Variants in RBPMS observed in about 807,000 individuals in gnomAD.
RBPMS encodes the protein RNA binding protein, mRNA processing factor, also known as RNA-binding protein with multiple splicing.
RBPMS carries 7 observed loss-of-function variants against 26.8 expected under a neutral mutation model. That is an observed-to-expected ratio of 0.26 (90% CI 0.15 to 0.49). RBPMS has a LOEUF of 0.49. RBPMS is among the 20% of genes least tolerant of loss of function. The probability of loss-of-function intolerance (pLI) is 0.98; values close to 1 mark genes in which losing one functional copy is unlikely to be tolerated. For synonymous variants in RBPMS, 96 were observed against 93.3 expected, an observed-to-expected ratio of 1.03 and a Z score of -0.17; for missense variants, 186 against 250.0, an observed-to-expected ratio of 0.74 and a Z score of 1.73.
intron 1 of RBPMS, among the ~76,000 whole-genome samples, chr8:30,411,139 A>C (rs1474179209): frequency 6.6e-6 from 1 of 152,194 alleles, no homozygotes; most frequent in African/African-American, 2.4e-5. Flanking sequence ...ACAGTTGCTG[A>C]GTTTATTCAT....
chr8:30,551,321 GT>G (rs1349229015), intron 6 of RBPMS, among the ~76,000 whole-genome samples: 1 of 152,218 alleles, frequency 6.6e-6, no homozygotes, highest in African/African-American at 2.4e-5. Context: ...ATGTTGGGCA[GT>G]TTTAGGAGGA....
chr8:30,485,698 C>A (rs190427121), intron 4 of RBPMS, among the ~76,000 whole-genome samples: 4 of 152,138 alleles, frequency 2.6e-5, no homozygotes, highest in Non-Finnish European at 2.9e-5. Context: ...TGAACTCCCC[C>A]CAAAGAAAAT....
intron 1 of RBPMS, among the ~76,000 whole-genome samples, chr8:30,388,398 GCTTATAA>G (rs1248029866): frequency 6.7e-6 from 1 of 149,082 alleles, no homozygotes; most frequent in Non-Finnish European, 1.5e-5. Flanking sequence ...CTGTCTTATA[GCTTATAA>G]CTTATAGCTA....
intron 1 of RBPMS, among the ~76,000 whole-genome samples, chr8:30,424,057 C>CTT (rs894127200): frequency 6.6e-6 from 1 of 152,118 alleles, no homozygotes; most frequent in Non-Finnish European, 1.5e-5. Flanking sequence ...AGGCTGGTCT[C>CTT]TAACTCCTGA....
At chr8:30,443,606 TG>T (rs1304689163) in intron 1 of RBPMS, among the ~76,000 whole-genome samples, 1 of 152,194 alleles carries the variant, frequency 6.6e-6, no homozygotes, top group South Asian at 2.1e-4. Context: ...GTTTTGTTTT[TG>T]TTTTTAAGAC....
At chr8:30,511,484 A>AT (rs1821645539) in intron 5 of RBPMS, among the ~76,000 whole-genome samples, 2 of 6,144 alleles carry the variant, frequency 3.3e-4, no homozygotes, top group African/African-American at 6.8e-4. Flanking sequence ...AAAAAAAAAA[A>AT]AAATATATAT....
intron 1 of RBPMS, among the ~76,000 whole-genome samples, chr8:30,470,436 T>C (rs1017632475): frequency 2.6e-5 from 4 of 152,232 alleles, no homozygotes; most frequent in Non-Finnish European, 5.9e-5. Context: ...AAGCATGAAT[T>C]TGATATTCAG....
chr8:30,499,074 A>G (rs1331129587), intron 4 of RBPMS, among the ~76,000 whole-genome samples: 2 of 152,194 alleles, frequency 1.3e-5, no homozygotes, highest in Non-Finnish European at 2.9e-5. Context: ...TAAATAATTA[A>G]CAGGGCAGAA....
chr8:30,392,981 C>A (rs918177934), intron 1 of RBPMS, among the ~76,000 whole-genome samples: 3 of 151,962 alleles, frequency 2.0e-5, no homozygotes, highest in African/African-American at 7.3e-5. Flanking sequence ...AAATGGAATT[C>A]CTGCTTTCTA....
In RBPMS at chr8:30,544,528, C is replaced by A; in HGVS notation, c.432C>A (p.Ser144Arg). The A allele has an allele frequency of 6.2e-7, 1 of 1,614,190 alleles. No individual in the cohort carries two copies. Among genetic ancestry groups the A allele is most frequent in the Non-Finnish European group, 8.5e-7 (1 of 1,180,050 alleles). The change falls in exon 6 of 9, where the codon AGC (serine) becomes AGA (arginine). Residue 144 changes from serine to arginine, a missense_variant. By Grantham distance (110) the Ser-to-Arg change is moderately radical. Coordinates refer to ENST00000397323, the MANE Select transcript of RBPMS (RefSeq NM_001008710.3). ...CAGTGCCTGCACTTTACCCCAGTAG[C>A]CCTGAAGTGTGGGCCCCGTACCCTC... ...ELTVPALYPS[S>R]PEVWAPYPLY...
intron 1 of RBPMS, among the ~76,000 whole-genome samples, chr8:30,431,503 G>A (rs1024932792): frequency 6.6e-6 from 1 of 151,404 alleles, no homozygotes; most frequent in Non-Finnish European, 1.5e-5. Flanking sequence ...CGCCCAGACT[G>A]GAGTACAGTG....
At chr8:30,461,717 A>G (rs1427848566) in intron 1 of RBPMS, among the ~76,000 whole-genome samples, 1 of 152,198 alleles carries the variant, frequency 6.6e-6, no homozygotes, top group African/African-American at 2.4e-5. Flanking sequence ...CTAAGAATAC[A>G]GAGAGATCAC....
rs879295588 is a variant in RBPMS at position 30,499,602 on chromosome 8, C to CA, written c.247-4672dup. On this transcript the variant is annotated intron_variant, in intron 4 of 8. Transcript: ENST00000397323. ...AAAAATGCGTAACCTGAATCTAAAC[C>CA]AAAAAAAAAAAATTAGATAAACCCA... Among the ~76,000 whole-genome samples, 509 of 142,320 alleles carry CA rather than the reference C, an allele frequency of 3.6e-3. 1 individual carries two copies. Among genetic ancestry groups the CA allele is most frequent in the African/African-American group, 6.2e-3 (241 of 38,968 alleles). The allele number at this position is 142,320 out of a possible 152,430, so 93.4% of individuals were successfully genotyped here.
At chr8:30,543,370 CA>C (rs746822655) in intron 5 of RBPMS, among the ~76,000 whole-genome samples, 10 of 152,120 alleles carry the variant, frequency 6.6e-5, no homozygotes, top group Non-Finnish European at 1.2e-4. Flanking sequence ...GGGAAGGATG[CA>C]GAGACACTGG....
chr8:30,384,955 G>C lies in RBPMS; in HGVS notation c.-138G>C, dbSNP rs1403112845. 2 of 503,284 alleles carry C rather than the reference G, an allele frequency of 4.0e-6. No homozygotes were observed. The highest frequency in any genetic ancestry group is 6.4e-6 in the Non-Finnish European group (2 of 312,804). The allele number at this position is 503,284 out of a possible 1,614,324, so 31.2% of individuals were successfully genotyped here. A position where few individuals can be genotyped will look rare whatever the true frequency, so the allele number is the denominator to read the frequency against. ...CCCGAGCCCGACAGCCACTGCCCCG[G>C]CTCCAGCTCCAGCCCCACAGCCCGC... On this transcript the variant is annotated 5_prime_UTR_variant, in exon 1 of 9. Transcript: ENST00000397323. This position sits in a 1 kb window ranked among gnomAD's most constrained non-coding sequence, Gnocchi z 5.6.
In RBPMS at chr8:30,556,788, GC is replaced by G. The variant is rs935769621; in HGVS notation, c.529-2097del. 22 of 985,952 alleles carry G rather than the reference GC, an allele frequency of 2.2e-5. No homozygotes were observed. In the African/African-American group the frequency reaches 3.3e-4, roughly 15 times the overall value. 61.1% of individuals were successfully genotyped at this position (985,952 alleles called of 1,614,324 possible). A position where few individuals can be genotyped will look rare whatever the true frequency, so the allele number is the denominator to read the frequency against. On this transcript the variant is annotated intron_variant, in intron 6 of 8. Transcript: ENST00000397323. ...TGGATTCAGATGCACCAGGCCATGA[GC>G]CGTGGGTAGGTATGAGTTCTTTCTT...
chr8:30,430,418 T>C (rs1487315178), intron 1 of RBPMS, among the ~76,000 whole-genome samples: 1 of 152,228 alleles, frequency 6.6e-6, no homozygotes, highest in Non-Finnish European at 1.5e-5. Flanking sequence ...AAGAAGAGGC[T>C]TCATTGTGCA....
In RBPMS at chr8:30,393,251, T is replaced by G. The variant is rs573902726; in HGVS notation, c.66+8093T>G. Among the ~76,000 whole-genome samples the G allele has an allele frequency of 3.3e-5, 5 of 152,242 alleles. No individual in the cohort carries two copies. In the South Asian group the frequency reaches 1.0e-3, roughly 32 times the overall value. ...GGTCTTTCTCATATGCTTTTTTTTTTGCTTTGCTCAAAACTCAGGAACCTG... is the reference window on the plus strand; with the variant it reads ...GGTCTTTCTCATATGCTTTTTTTTTGGCTTTGCTCAAAACTCAGGAACCTG... On this transcript the variant is annotated intron_variant, in intron 1 of 8. Coordinates refer to ENST00000397323, the MANE Select transcript of RBPMS (RefSeq NM_001008710.3).
In RBPMS at chr8:30,409,973, G is replaced by T. The variant is rs1455384139; in HGVS notation, c.66+24815G>T. Among the ~76,000 whole-genome samples, 3 of 152,162 alleles carry T rather than the reference G, an allele frequency of 2.0e-5. No homozygotes were observed. In the East Asian group the frequency reaches 5.8e-4, roughly 29 times the overall value. ...TGTGTCTACGTGTATTCATTTAGAT[G>T]TTGAGCTCAGTTTTTTAAAAGACAA... On this transcript the variant is annotated intron_variant, in intron 1 of 8. Transcript: ENST00000397323.
Sources: gnomAD v4.1 joint callset for allele counts (sites outside exome capture counted in the v4.1 genomes callset) on GRCh38, gnomAD v4.1.1 for gene constraint, Gnocchi (gnomAD v3.1) non-coding constraint, MANE v1.5 for transcripts, NCBI Gene and HGNC (gene_info 2026-07-23, HGNC 2026-07-21) for gene names.